The following DDHD1 variants were observed in gnomAD, a reference collection of about 807,000 sequenced individuals.
DDHD1 encodes the protein phospholipase DDHD1.
Under a neutral mutation model 96.4 loss-of-function variants are expected in DDHD1, and 49 were observed. The observed-to-expected ratio is 0.51, with a 90% CI of 0.40 to 0.64. The LOEUF is 0.64. Among genes scored for constraint, DDHD1 ranks in the 30% least tolerant of loss-of-function variants. DDHD1 has a pLI of 0.00. For synonymous variants in DDHD1, 442 were observed against 446.5 expected (o/e 0.99, Z 0.13); for missense variants, 1,106 against 1,161.2 (o/e 0.95, Z 0.69).
chr14:53,152,227 GC>G, intron 1 of DDHD1, 33 bp downstream of exon 1: 1 of 1,554,094 alleles, frequency 6.4e-7, no homozygotes, highest in South Asian at 1.2e-5. Context: ...TGCAGGGGCA[GC>G]CCGTCCTGCC....
intron 1 of DDHD1, among the ~76,000 whole-genome samples, chr14:53,126,261 C>G (rs1889425974): frequency 6.6e-6 from 1 of 152,014 alleles, no homozygotes; most frequent in Non-Finnish European, 1.5e-5. Flanking sequence ...ATGTTTGATT[C>G]ATTATGATAC....
At chr14:53,133,155 T>G (rs1321875077) in intron 1 of DDHD1, among the ~76,000 whole-genome samples, 1 of 152,202 alleles carries the variant, frequency 6.6e-6, no homozygotes, top group Non-Finnish European at 1.5e-5. Context: ...CATCCACTAT[T>G]CTACTACTCC....
At chr14:53,117,611 T>C (rs995840655) in intron 1 of DDHD1, among the ~76,000 whole-genome samples, 8 of 152,032 alleles carry the variant, frequency 5.3e-5, no homozygotes, top group African/African-American at 1.9e-4. Flanking sequence ...CTGCCATTGC[T>C]GGGGCTTAAG....
Position 53,042,995 on chromosome 14 carries a change from T to G in DDHD1, c.*3773A>C, listed in dbSNP as rs1166882687. The G allele has an allele frequency of 6.6e-6, 1 of 152,206 alleles. No individual in the cohort carries two copies. The allele number at this position is 152,206 out of a possible 1,614,324, so 9.4% of individuals were successfully genotyped here. A position where few individuals can be genotyped will look rare whatever the true frequency, so the allele number is the denominator to read the frequency against. ...ATCTAATGGATCAAAAAGAAATTTGTCTTCTACTACAGACTTTACAGGAAA... is the reference window on the plus strand; with the variant it reads ...ATCTAATGGATCAAAAAGAAATTTGGCTTCTACTACAGACTTTACAGGAAA... On this transcript the variant is annotated 3_prime_UTR_variant, in exon 13 of 13. Transcript: ENST00000673822.
At chr14:53,086,021 T>C (rs534121864) in intron 4 of DDHD1, among the ~76,000 whole-genome samples, 2 of 152,300 alleles carry the variant, frequency 1.3e-5, no homozygotes, top group African/African-American at 4.8e-5. Flanking sequence ...CTTCGGTAGC[T>C]GATTTGATCA....
intron 1 of DDHD1, among the ~76,000 whole-genome samples, chr14:53,120,578 T>C (rs1376591575): frequency 6.6e-6 from 1 of 152,210 alleles, no homozygotes; most frequent in African/African-American, 2.4e-5. Flanking sequence ...CAAAACAGCA[T>C]GGTACTAGTA....
intron 1 of DDHD1, among the ~76,000 whole-genome samples, chr14:53,136,772 A>T (rs1890268990): frequency 6.6e-6 from 1 of 152,240 alleles, no homozygotes; most frequent in South Asian, 2.1e-4. Flanking sequence ...TGACTACCCT[A>T]ACAAAGCTCA....
At chr14:53,127,449 A>G (rs1889536968) in intron 1 of DDHD1, among the ~76,000 whole-genome samples, 1 of 152,228 alleles carries the variant, frequency 6.6e-6, no homozygotes, top group South Asian at 2.1e-4. Context: ...TAATAAAATA[A>G]TGTATGTGAA....
At chr14:53,078,895 C>T (rs974497735) in intron 4 of DDHD1, among the ~76,000 whole-genome samples, 7 of 152,016 alleles carry the variant, frequency 4.6e-5, no homozygotes, top group African/African-American at 1.4e-4. Flanking sequence ...TCTAATTTCC[C>T]GAGTGCTTTT....
Position 53,038,838 on chromosome 14 carries a change from C to T in DDHD1, c.*7930G>A, listed in dbSNP as rs934990560. The T allele has an allele frequency of 3.9e-5, 6 of 152,138 alleles. No homozygotes were observed. The highest frequency in any genetic ancestry group is 1.2e-4 in the African/African-American group (5 of 41,432). The allele number at this position is 152,138 out of a possible 1,614,324, so 9.4% of individuals were successfully genotyped here. ...AGCACGGCACTGGTACAATAACAGA[C>T]ACGTAGACCAATGGAACACAATAGA... On this transcript the variant is annotated 3_prime_UTR_variant, in exon 13 of 13. Transcript: ENST00000673822.
chr14:53,127,160 C>T (rs1889514079), intron 1 of DDHD1, among the ~76,000 whole-genome samples: 5 of 152,076 alleles, frequency 3.3e-5, no homozygotes, highest in Admixed American at 3.3e-4. Context: ...AGAAAATCAT[C>T]AAACAGGAGG....
intron 4 of DDHD1, among the ~76,000 whole-genome samples, chr14:53,091,029 G>A (rs17126111): frequency 0.037 from 5,574 of 152,128 alleles, 353 homozygotes; most frequent in African/African-American, 0.13. Flanking sequence ...TGCTTTATAA[G>A]GACTCAAGCC....
chr14:53,069,069 A>C (rs1884297765), intron 6 of DDHD1, among the ~76,000 whole-genome samples: 1 of 152,010 alleles, frequency 6.6e-6, no homozygotes, highest in African/African-American at 2.4e-5. Flanking sequence ...TTTGGTGCTC[A>C]AATGTTCCAG....
chr14:53,054,443 G>A lies in DDHD1; in HGVS notation c.2432C>T (p.Ser811Phe). The A allele has an allele frequency of 6.2e-7, 1 of 1,613,390 alleles. No homozygotes were observed. The highest frequency in any genetic ancestry group is 8.5e-7 in the Non-Finnish European group (1 of 1,179,466). ...LPHSSSGFLD[S>F]AYFRLQESFF... ...GAAATAATGTATGAACTAACATGCA[G>A]AATCGAGGAAGCCAGAACTGCTATG... Residue 811 changes from serine (S) to phenylalanine (F), a missense_variant, in exon 11 of 13, where the codon TCT becomes TTT. Ser to Phe is a radical substitution (Grantham distance 155). Coordinates refer to ENST00000673822, the MANE Select transcript of DDHD1 (RefSeq NM_001160148.2).
At position 53,051,796 on chromosome 14, in the gene DDHD1, A is replaced by G. The variant is rs1220098220; in HGVS notation, c.2521+48T>C. 4.1e-6 allele frequency: 6 copies of G among 1,449,006 alleles called. No homozygotes were observed. The Admixed American group carries it at 1.2e-4, about 29-fold the overall frequency. 89.8% of individuals were successfully genotyped at this position (1,449,006 alleles called of 1,614,324 possible). A position where few individuals can be genotyped will look rare whatever the true frequency, so the allele number is the denominator to read the frequency against. ...TTCAATAAGCAGAAGAACTCTAAGT[A>G]GATCATTTTTATAGTATTCTGAATG... On this transcript the variant is annotated intron_variant, in intron 12 of 12. Coordinates refer to ENST00000673822, the MANE Select transcript of DDHD1 (RefSeq NM_001160148.2).
At chr14:53,051,054 GT>G (rs760678139) in intron 12 of DDHD1, among the ~76,000 whole-genome samples, 534 of 137,168 alleles carry the variant, frequency 3.9e-3, no homozygotes, top group Middle Eastern at 7.5e-3. Context: ...TAATGTAAGA[GT>G]TTTTTTTTTT....
chr14:53,093,358 T>C lies in DDHD1; in HGVS notation c.1099A>G (p.Lys367Glu), dbSNP rs755976355. The change falls in exon 3 of 13, where the codon AAA (lysine) becomes GAA (glutamate). Residue 367 changes from lysine to glutamate, a missense_variant. Around this residue, in one of 2 missense-constraint regions of DDHD1, gnomAD observed 650 missense variants for 758.8 expected, o/e 0.86. Transcript: ENST00000673822. ...VYLYSDATTS[K>E]IARTVTQKLG... The stretch of plus-strand genomic sequence containing the variant: ...TTTTGGGTAACTGTTCTTGCAATTT[T>C]AGATGTTGTTGCATCACTATAAAGA... The C allele has an allele frequency of 1.2e-6, 2 of 1,612,644 alleles. No individual in the cohort carries two copies. Among genetic ancestry groups the C allele is most frequent in the Non-Finnish European group, 1.7e-6 (2 of 1,179,594 alleles).
At chr14:53,072,534 A>G in intron 6 of DDHD1, 63 bp downstream of exon 6, 1 of 903,384 alleles carries the variant, frequency 1.1e-6, no homozygotes, top group Non-Finnish European at 1.6e-6. Context: ...AAATGTAAAA[A>G]TTCAGGACAT....
At chr14:53,113,375 AAC>A (rs1888267251) in intron 1 of DDHD1, among the ~76,000 whole-genome samples, 1 of 124,432 alleles carries the variant, frequency 8.0e-6, no homozygotes, top group African/African-American at 3.1e-5. Context: ...TAAAAAAAAA[AAC>A]CCCTGTACAA....
Sources: gnomAD v4.1 joint callset for allele counts (sites outside exome capture counted in the v4.1 genomes callset) on GRCh38, gnomAD v4.1.1 for gene constraint, gnomAD v4.1.1 regional missense constraint, MANE v1.5 for transcripts, NCBI Gene and HGNC (gene_info 2026-07-23, HGNC 2026-07-21) for gene names.